The following KCNJ6 variants were observed in gnomAD, a reference collection of about 807,000 sequenced individuals.
KCNJ6 encodes the protein potassium inwardly rectifying channel subfamily J member 6.
Under a neutral mutation model 34.2 loss-of-function variants are expected in KCNJ6, and 9 were observed. That is an observed-to-expected ratio of 0.26 (90% confidence interval 0.16 to 0.46). KCNJ6 has a LOEUF of 0.46. KCNJ6 is among the 20% of genes least tolerant of loss of function. The probability of loss-of-function intolerance (pLI) is 1.00; values close to 1 mark genes in which losing one functional copy is unlikely to be tolerated. For synonymous variants in KCNJ6, 196 were observed against 207.1 expected, an observed-to-expected ratio of 0.95 and a Z score of 0.46; for missense variants, 236 against 531.3, an observed-to-expected ratio of 0.44 and a Z score of 5.46.
intron 2 of KCNJ6, among the ~76,000 whole-genome samples, chr21:37,748,154 G>T (rs1262042983): frequency 6.6e-6 from 1 of 152,174 alleles, no homozygotes; most frequent in Non-Finnish European, 1.5e-5. Flanking sequence ...GGTACGGGTG[G>T]TGTCCCTCAA....
At chr21:37,814,202 T>G (rs1427010969) in intron 2 of KCNJ6, among the ~76,000 whole-genome samples, 1 of 152,198 alleles carries the variant, frequency 6.6e-6, no homozygotes, top group Non-Finnish European at 1.5e-5. Flanking sequence ...ACAACTATAA[T>G]GAGATATCAT....
In KCNJ6 at chr21:37,613,624, G is replaced by A. The variant is rs2054250603; in HGVS notation, c.*11535C>T. Reference sequence around the variant, plus strand: ...TCTCAAGCCATAAAAAGATATGAGGGAAACTTAAATGCATGTTACTAAGTG... The same window carrying A: ...TCTCAAGCCATAAAAAGATATGAGGAAAACTTAAATGCATGTTACTAAGTG... On this transcript the variant is annotated 3_prime_UTR_variant, in exon 4 of 4. Transcript: ENST00000609713. The A allele has an allele frequency of 1.3e-5, 2 of 152,162 alleles. No homozygotes were observed. Among genetic ancestry groups the A allele is most frequent in the Non-Finnish European group, 2.9e-5 (2 of 68,038 alleles). The allele number at this position is 152,162 out of a possible 1,614,324, so 9.4% of individuals were successfully genotyped here.
chr21:37,899,021 TA>T (rs2055803553), intron 1 of KCNJ6, among the ~76,000 whole-genome samples: 1 of 152,238 alleles, frequency 6.6e-6, no homozygotes, highest in African/African-American at 2.4e-5. Context: ...TAAGAAAGGT[TA>T]AAAAGAACTT....
At chr21:37,732,461 T>A (rs559719301) in intron 2 of KCNJ6, among the ~76,000 whole-genome samples, 1 of 152,214 alleles carries the variant, frequency 6.6e-6, no homozygotes, top group South Asian at 2.1e-4. Flanking sequence ...TCTCTTAGAT[T>A]CCAGAATTGT....
At chr21:37,869,487 G>A (rs556539502) in intron 1 of KCNJ6, among the ~76,000 whole-genome samples, 2 of 152,202 alleles carry the variant, frequency 1.3e-5, no homozygotes, top group Non-Finnish European at 2.9e-5. Context: ...TGGTTAAGCT[G>A]GATCCTGATA....
At chr21:37,638,923 G>A (rs982354824) in intron 3 of KCNJ6, among the ~76,000 whole-genome samples, 3 of 152,108 alleles carry the variant, frequency 2.0e-5, no homozygotes, top group Non-Finnish European at 4.4e-5. Context: ...AAACACTTTC[G>A]GAACGGTCAC....
intron 2 of KCNJ6, among the ~76,000 whole-genome samples, chr21:37,744,198 A>T (rs1053012750): frequency 1.3e-5 from 2 of 150,952 alleles, no homozygotes; most frequent in Non-Finnish European, 3.0e-5. Context: ...GCATTAGGAG[A>T]TATACCTAAT....
chr21:37,851,394 T>C (rs12483570), intron 1 of KCNJ6, among the ~76,000 whole-genome samples: 5,025 of 152,286 alleles, frequency 0.033, 155 homozygotes, highest in Admixed American at 0.1. Context: ...AGAAACTAAG[T>C]CAGGGGAATA....
chr21:37,890,260 A>G (rs2055755852), intron 1 of KCNJ6, among the ~76,000 whole-genome samples: 1 of 152,190 alleles, frequency 6.6e-6, no homozygotes, highest in East Asian at 1.9e-4. Context: ...AAAGCCCCTT[A>G]TAAAACCATC....
At chr21:37,826,116 G>A (rs543767178) in intron 2 of KCNJ6, among the ~76,000 whole-genome samples, 1 of 152,214 alleles carries the variant, frequency 6.6e-6, no homozygotes, top group Admixed American at 6.5e-5. Context: ...CTTTCTCTAA[G>A]TCTTCCTTAA....
At chr21:37,684,256 A>T (rs1162511300) in intron 3 of KCNJ6, among the ~76,000 whole-genome samples, 1 of 151,894 alleles carries the variant, frequency 6.6e-6, no homozygotes, top group Non-Finnish European at 1.5e-5. Context: ...GTTGCTGGCG[A>T]TCTTTGGCTC....
At chr21:37,856,753 TA>T (rs1248336339) in intron 1 of KCNJ6, among the ~76,000 whole-genome samples, 2 of 152,100 alleles carry the variant, frequency 1.3e-5, no homozygotes, top group Non-Finnish European at 2.9e-5. Flanking sequence ...TTTTCAAAAT[TA>T]AAAAAAGATA....
intron 3 of KCNJ6, among the ~76,000 whole-genome samples, chr21:37,647,195 T>C (rs561601981): frequency 6.6e-6 from 1 of 152,320 alleles, no homozygotes; most frequent in Admixed American, 6.5e-5. Context: ...CTATTATTGG[T>C]ATCCTTATTA....
chr21:37,878,510 G>A (rs1463487780), intron 1 of KCNJ6, among the ~76,000 whole-genome samples: 1 of 152,226 alleles, frequency 6.6e-6, no homozygotes, highest in Non-Finnish European at 1.5e-5. Context: ...CAGCAGGCTT[G>A]CAGGTCTACC....
chr21:37,754,172 T>C (rs1224751267), intron 2 of KCNJ6, among the ~76,000 whole-genome samples: 1 of 152,152 alleles, frequency 6.6e-6, no homozygotes, highest in Non-Finnish European at 1.5e-5. Flanking sequence ...AGGACATCTT[T>C]AGGGGAAGGA....
At chr21:37,821,550 C>T (rs1185257980) in intron 2 of KCNJ6, among the ~76,000 whole-genome samples, 1 of 152,060 alleles carries the variant, frequency 6.6e-6, no homozygotes, top group South Asian at 2.1e-4. Context: ...TTTCCCCTGC[C>T]CCCCCAACAG....
chr21:37,817,155 C>T (rs1009802430), intron 2 of KCNJ6, among the ~76,000 whole-genome samples: 5 of 152,290 alleles, frequency 3.3e-5, no homozygotes, highest in Admixed American at 1.3e-4. Flanking sequence ...TGGTAATACA[C>T]ACAAAGCTCT....
At chr21:37,720,210 A>C (rs1208554884) in intron 2 of KCNJ6, among the ~76,000 whole-genome samples, 1 of 152,216 alleles carries the variant, frequency 6.6e-6, no homozygotes, top group Non-Finnish European at 1.5e-5. Context: ...TTGCCAAACA[A>C]CACATCGAGA....
intron 1 of KCNJ6, among the ~76,000 whole-genome samples, chr21:37,859,487 T>TA (rs2055582251): frequency 3.1e-4 from 26 of 84,282 alleles, no homozygotes; most frequent in African/African-American, 7.2e-4. Flanking sequence ...TTATATTACT[T>TA]TATATATATA....
Sources: gnomAD v4.1 joint callset for allele counts (sites outside exome capture counted in the v4.1 genomes callset) on GRCh38, gnomAD v4.1.1 for gene constraint, MANE v1.5 for transcripts, NCBI Gene and HGNC (gene_info 2026-07-23, HGNC 2026-07-21) for gene names.